Variants in ATP8A2 observed in about 807,000 individuals in gnomAD.
ATP8A2 encodes the protein ATPase phospholipid transporting 8A2.
A neutral mutation model predicts 165.6 loss-of-function variants in ATP8A2; 100 were observed. That is an observed-to-expected ratio of 0.60 (90% CI 0.51 to 0.71). The LOEUF (loss-of-function observed/expected upper bound fraction) is 0.71, where lower values mean the gene tolerates loss of function less well. Among genes scored for constraint, ATP8A2 ranks in the 30% least tolerant of loss-of-function variants. The probability of loss-of-function intolerance (pLI) is 0.00; values close to 1 mark genes in which losing one functional copy is unlikely to be tolerated. For missense variants in ATP8A2, 1,227 were observed against 1,479.5 expected (o/e 0.83, Z 2.80); for synonymous variants, 543 against 548.8 (o/e 0.99, Z 0.15).
At chr13:25,502,131 T>C (rs1267611835) in intron 2 of ATP8A2, among the ~76,000 whole-genome samples, 1 of 152,182 alleles carries the variant, frequency 6.6e-6, no homozygotes. Context: ...CAAAAATAAA[T>C]TCTCAAATGC....
At chr13:25,732,762 A>C in intron 25 of ATP8A2, among the ~76,000 whole-genome samples, 1 of 152,186 alleles carries the variant, frequency 6.6e-6, no homozygotes, top group East Asian at 1.9e-4. Context: ...AAAAATATAT[A>C]TAATTTATCC....
chr13:25,375,585 CT>C (rs11312033), intron 1 of ATP8A2, among the ~76,000 whole-genome samples: 59,464 of 147,444 alleles, frequency 0.4, 12,334 homozygotes, highest in African/African-American at 0.52. Flanking sequence ...TACAAATATT[CT>C]TTTTTTTTTT....
chr13:25,551,491 A>C lies in ATP8A2; in HGVS notation c.1045A>C (p.Ile349Leu). ...NRSHGEKNWY[I>L]KKMDTTSDNF... ...GTCTCATGGTGAAAAGAACTGGTAC[A>C]TCAAGAAGATGGGTAAGTGTCGGGG... is the stretch of plus-strand genomic sequence containing the variant. The change falls in exon 11 of 37, where the codon ATC (isoleucine) becomes CTC (leucine). Residue 349 changes from isoleucine to leucine, a missense_variant. Transcript: ENST00000381655. The C allele has an allele frequency of 1.2e-6, 2 of 1,603,640 alleles. No homozygotes were observed. The highest frequency in any genetic ancestry group is 1.7e-6 in the Non-Finnish European group (2 of 1,172,262).
chr13:25,408,010 C>T (rs919869217), intron 1 of ATP8A2, among the ~76,000 whole-genome samples: 4 of 152,068 alleles, frequency 2.6e-5, no homozygotes, highest in African/African-American at 9.7e-5. Context: ...AGCAAACCAC[C>T]ATGGCACATG....
chr13:25,832,591 GA>G (rs1951507990), intron 28 of ATP8A2, among the ~76,000 whole-genome samples: 1 of 152,086 alleles, frequency 6.6e-6, no homozygotes, highest in African/African-American at 2.4e-5. Context: ...AAGAAAATAA[GA>G]AAAACATGAT....
rs554170 is a variant in ATP8A2, at chr13:25,432,434, G to A, written c.77-36543G>A. On this transcript the variant is annotated intron_variant, in intron 1 of 36. Transcript: ENST00000381655. Reference sequence around the variant, plus strand: ...AAACCCCAGCCACTGCATGTCAGGTGACATTCTTTCCTTGGGGATCTTTAG... The same window carrying A: ...AAACCCCAGCCACTGCATGTCAGGTAACATTCTTTCCTTGGGGATCTTTAG... Among the ~76,000 whole-genome samples the A allele has an allele frequency of 6.8e-3, 1,031 of 152,332 alleles. 8 individuals carry two copies. Among genetic ancestry groups the A allele is most frequent in the African/African-American group, 0.023 (951 of 41,578 alleles).
rs2039444824 is a variant in ATP8A2, at chr13:25,570,792, T to A, written c.1499T>A (p.Phe500Tyr). 2 of 1,613,656 alleles carry A rather than the reference T, an allele frequency of 1.2e-6. No individual in the cohort carries two copies. The highest frequency in any genetic ancestry group is 2.7e-5 in the African/African-American group (2 of 74,898). Residue 500 changes from phenylalanine to tyrosine, a missense_variant, in exon 17 of 37, where the codon TTC becomes TAC. Coordinates refer to ENST00000381655, the MANE Select transcript of ATP8A2 (RefSeq NM_016529.6). ...CCCACAGCCCCTTGCATTCAGGAGT[T>A]CCTCACCCTTCTGGCCGTGTGCCAC... The part of the protein sequence containing the change: ...RHPTAPCIQE[F>Y]LTLLAVCHTV...
At chr13:25,997,517 A>G (rs1462542397) in intron 35 of ATP8A2, among the ~76,000 whole-genome samples, 1 of 152,104 alleles carries the variant, frequency 6.6e-6, no homozygotes, top group Non-Finnish European at 1.5e-5. Context: ...GTGCTCTTTT[A>G]GCCCTGCCGT....
intron 1 of ATP8A2, among the ~76,000 whole-genome samples, chr13:25,457,975 A>G (rs2035407824): frequency 6.6e-6 from 1 of 152,210 alleles, no homozygotes; most frequent in Non-Finnish European, 1.5e-5. Context: ...TGCTGATGGA[A>G]GTAGAGCATT....
intron 6 of ATP8A2, 45 bp from the exon 7 acceptor site, chr13:25,537,943 T>A: frequency 1.5e-6 from 2 of 1,378,634 alleles, no homozygotes; most frequent in Non-Finnish European, 2.0e-6. Context: ...GTGTGTTTTG[T>A]TTCTTTTCTT....
chr13:25,855,048 C>T (rs1225169634), intron 30 of ATP8A2, among the ~76,000 whole-genome samples: 4 of 152,024 alleles, frequency 2.6e-5, no homozygotes, highest in East Asian at 3.9e-4. Context: ...GTCAGGAGTT[C>T]GAGACCAGCC....
intron 33 of ATP8A2, among the ~76,000 whole-genome samples, chr13:25,904,091 A>G (rs1953854578): frequency 6.6e-6 from 1 of 152,188 alleles, no homozygotes; most frequent in African/African-American, 2.4e-5. Context: ...TGGACTTACC[A>G]GTTGATCATC....
chr13:25,791,262 T>C (rs2045164117), intron 27 of ATP8A2, among the ~76,000 whole-genome samples: 3 of 152,136 alleles, frequency 2.0e-5, no homozygotes, highest in African/African-American at 7.2e-5. Flanking sequence ...GAGGCCATTA[T>C]CGTTGGCAAA....
intron 35 of ATP8A2, among the ~76,000 whole-genome samples, chr13:26,004,144 G>T (rs1404023049): frequency 6.6e-6 from 1 of 151,984 alleles, no homozygotes; most frequent in East Asian, 1.9e-4. Context: ...TTGTTTTACA[G>T]TTCATGAGCA....
chr13:25,533,220 C>T (rs1345969628), intron 5 of ATP8A2, 53 bp from the exon 6 acceptor site: 7 of 928,736 alleles, frequency 7.5e-6, no homozygotes, highest in South Asian at 5.7e-5. Flanking sequence ...TTTTAGGAAG[C>T]TGATTCAATT....
At chr13:25,996,481 T>G (rs983523741) in intron 35 of ATP8A2, among the ~76,000 whole-genome samples, 2 of 152,206 alleles carry the variant, frequency 1.3e-5, no homozygotes, top group Non-Finnish European at 2.9e-5. Context: ...TGTTCCAAGA[T>G]TTCTTCTTTT....
chr13:25,971,652 GAC>G (rs1427200444), intron 35 of ATP8A2, among the ~76,000 whole-genome samples: 1 of 152,100 alleles, frequency 6.6e-6, no homozygotes, highest in Non-Finnish European at 1.5e-5. Context: ...CAGATGAGCT[GAC>G]ACACTGGTGC....
At chr13:25,646,924 A>G (rs1289378037) in intron 24 of ATP8A2, among the ~76,000 whole-genome samples, 2 of 152,118 alleles carry the variant, frequency 1.3e-5, no homozygotes, top group Non-Finnish European at 2.9e-5. Context: ...TAGTTACTAT[A>G]AGGTTCACAT....
chr13:25,792,842 T>G (rs1030497089), intron 27 of ATP8A2, among the ~76,000 whole-genome samples: 1 of 151,744 alleles, frequency 6.6e-6, no homozygotes. Flanking sequence ...GAAGACTGAT[T>G]AAGCTCATGA....
Sources: gnomAD v4.1 joint callset for allele counts (sites outside exome capture counted in the v4.1 genomes callset) on GRCh38, gnomAD v4.1.1 for gene constraint, MANE v1.5 for transcripts, NCBI Gene and HGNC (gene_info 2026-07-23, HGNC 2026-07-21) for gene names.